The following UBA5 variants were observed in gnomAD, a reference collection of about 807,000 sequenced individuals.
UBA5 encodes ubiquitin like modifier activating enzyme 5, also known as ubiquitin-like modifier-activating enzyme 5.
UBA5 carries 28 observed loss-of-function variants against 52.9 expected under a neutral mutation model. The observed-to-expected ratio is 0.53, with a 90% CI of 0.39 to 0.73. The LOEUF is 0.73. Among genes scored for constraint, UBA5 ranks in the 30% least tolerant of loss-of-function variants. UBA5 has a pLI of 0.00. For synonymous variants in UBA5, 135 were observed against 162.1 expected (o/e 0.83, Z 1.27); for missense variants, 388 against 492.7 (o/e 0.79, Z 2.01).
chr3:132,659,444 G>A (rs576310098), upstream of UBA5: 6 of 1,004,794 alleles, frequency 6.0e-6, no homozygotes, highest in South Asian at 3.4e-5. Flanking sequence ...CATCGAATTC[G>A]GAGGGCCGGC....
intron 3 of UBA5, among the ~76,000 whole-genome samples, chr3:132,666,515 A>C (rs1938385360): frequency 6.6e-6 from 1 of 152,126 alleles, no homozygotes; most frequent in Non-Finnish European, 1.5e-5. Flanking sequence ...CTTTTTTCTA[A>C]AATTCATTTA....
rs1229159358 is a variant in UBA5 at position 132,664,980 on chromosome 3, A to G, written c.162-843A>G. ...CAGGAGAAACATACTTATTAACTTC[A>G]GGGTTGGGAGTTAGAGGAAAGGGTA... On this transcript the variant is annotated intron_variant, in intron 1 of 11. Transcript: ENST00000356232. 2.0e-5 allele frequency among the ~76,000 whole-genome samples: 3 copies of G among 152,104 alleles called. No homozygotes were observed. In the East Asian group the frequency reaches 5.8e-4, roughly 29 times the overall value.
intron 8 of UBA5, among the ~76,000 whole-genome samples, chr3:132,674,816 G>A (rs773016010): frequency 6.6e-6 from 1 of 152,190 alleles, no homozygotes; most frequent in Non-Finnish European, 1.5e-5. Context: ...ATTTAAGATT[G>A]TGCATTTTAT....
At chr3:132,667,473 T>G (rs1036857916) in intron 3 of UBA5, 4 of 151,486 alleles carry the variant, frequency 2.6e-5, no homozygotes, top group African/African-American at 9.7e-5. Context: ...GTGATTCCAG[T>G]GTGCCCTCAA....
rs1244680867 is a variant in UBA5 at position 132,678,736 on chromosome 3, G to A, written c.*2210G>A. On this transcript the variant is annotated 3_prime_UTR_variant, in exon 12 of 12. Coordinates refer to ENST00000356232, the MANE Select transcript of UBA5 (RefSeq NM_024818.6). Reference sequence around the variant, plus strand: ...ACGATCTCAGCTCACCACATCCTCCGCCTCCCAGGTTCAAGCGATTCTCCT... The same window carrying A: ...ACGATCTCAGCTCACCACATCCTCCACCTCCCAGGTTCAAGCGATTCTCCT... Among the ~76,000 whole-genome samples, 4 of 151,878 alleles carry A rather than the reference G, an allele frequency of 2.6e-5. No individual in the cohort carries two copies. The South Asian group carries it at 8.3e-4, about 32-fold the overall frequency.
chr3:132,662,995 T>A (rs1391495674), intron 1 of UBA5, among the ~76,000 whole-genome samples: 1 of 152,198 alleles, frequency 6.6e-6, no homozygotes, highest in Non-Finnish European at 1.5e-5. Context: ...TAAAGGAATT[T>A]TTTAAAAGAA....
Position 132,661,379 on chromosome 3 carries a change from T to C in UBA5, c.161+681T>C, listed in dbSNP as rs532082765. Among the ~76,000 whole-genome samples, 20 of 152,334 alleles carry C rather than the reference T, an allele frequency of 1.3e-4. 1 individual carries two copies. In the South Asian group the frequency reaches 1.9e-3, roughly 14 times the overall value. ...CTTCTCACCTGTACAATGAAGATAA[T>C]AGTAATATCTATCTCTGTCATAGTT... On this transcript the variant is annotated intron_variant, in intron 1 of 11. Coordinates refer to ENST00000356232, the MANE Select transcript of UBA5 (RefSeq NM_024818.6).
upstream of UBA5, among the ~76,000 whole-genome samples, chr3:132,655,804 G>C (rs1436866902): frequency 2.0e-5 from 3 of 152,134 alleles, no homozygotes; most frequent in Non-Finnish European, 4.4e-5. Flanking sequence ...ATACATATTA[G>C]GCACTCAGCT....
Position 132,660,714 on chromosome 3 carries a change from G to A in UBA5, c.161+16G>A. 1 of 1,526,138 alleles carries A rather than the reference G, an allele frequency of 6.6e-7. No individual in the cohort carries two copies. The highest frequency in any genetic ancestry group is 2.4e-5 in the East Asian group (1 of 41,160). 94.5% of individuals were successfully genotyped at this position (1,526,138 alleles called of 1,614,324 possible). On this transcript the variant is annotated intron_variant, in intron 1 of 11. Transcript: ENST00000356232. The surrounding 1 kb of genome is among the most constrained non-coding windows in gnomAD (Gnocchi z 4.1). ...ATCCCTACAGGTAACCTGCGTCGCC[G>A]GTCGGAGGCAGGCGCGGGGGACGAG...
chr3:132,660,987 C>A lies in UBA5; in HGVS notation c.161+289C>A. On this transcript the variant is annotated intron_variant, in intron 1 of 11. Transcript: ENST00000356232. This position sits in a 1 kb window ranked among gnomAD's most constrained non-coding sequence, Gnocchi z 4.1. ...CTTGCCTCTTAATTAGTCCGCCTCGCTGTGTATAAGACTGATAGTAAGAAC... is the reference window on the plus strand; with the variant it reads ...CTTGCCTCTTAATTAGTCCGCCTCGATGTGTATAAGACTGATAGTAAGAAC... 6.8e-7 allele frequency: 1 copy of A among 1,461,756 alleles called. No homozygotes were observed. Among genetic ancestry groups the A allele is most frequent in the South Asian group, 1.2e-5 (1 of 82,056 alleles). 90.5% of individuals were successfully genotyped at this position (1,461,756 alleles called of 1,614,324 possible).
At position 132,676,023 on chromosome 3, in the gene UBA5, AT is replaced by A; in HGVS notation, c.1131+101del. 2.4e-6 allele frequency: 2 copies of A among 820,444 alleles called. No homozygotes were observed. The highest frequency in any genetic ancestry group is 3.8e-6 in the Non-Finnish European group (2 of 525,124). The allele number at this position is 820,444 out of a possible 1,614,324, so 50.8% of individuals were successfully genotyped here. A position where few individuals can be genotyped will look rare whatever the true frequency, so the allele number is the denominator to read the frequency against. Reference sequence around the variant, plus strand: ...GCCAATGAAGTATTTCCTGTTTTAGATATTTTATGCTATAGGCATTAAGATG... The same window carrying A: ...GCCAATGAAGTATTTCCTGTTTTAGAATTTTATGCTATAGGCATTAAGATG... On this transcript the variant is annotated intron_variant, in intron 11 of 11. Transcript: ENST00000356232. This position sits in a 1 kb window ranked among gnomAD's most constrained non-coding sequence, Gnocchi z 4.1.
intron 4 of UBA5, 62 bp downstream of exon 4, chr3:132,668,989 AG>A: frequency 9.1e-7 from 1 of 1,098,080 alleles, no homozygotes; most frequent in East Asian, 2.5e-5. Context: ...ATTTGATATG[AG>A]TTAATATAAA....
At chr3:132,666,477 T>C (rs1341689805) in intron 3 of UBA5, among the ~76,000 whole-genome samples, 1 of 152,136 alleles carries the variant, frequency 6.6e-6, no homozygotes, top group Non-Finnish European at 1.5e-5. Flanking sequence ...ATGCTCTGGA[T>C]GGATTTTTAA....
rs35143670 is a variant in UBA5, at chr3:132,676,409, C to CT, written c.1132-28dup. On this transcript the variant is annotated intron_variant, in intron 11 of 11. Transcript: ENST00000356232. This position sits in a 1 kb window ranked among gnomAD's most constrained non-coding sequence, Gnocchi z 4.1. ...TAAGCATCAAGAATTCTATATGGTT[C>CT]TTTTTTCACTGTATTTCCCTTATTT... 31 of 1,539,862 alleles carry CT rather than the reference C, an allele frequency of 2.0e-5. No homozygotes were observed. Among genetic ancestry groups the CT allele is most frequent in the Non-Finnish European group, 2.4e-5 (27 of 1,120,664 alleles).
chr3:132,674,491 C>T (rs1489290580), intron 8 of UBA5, among the ~76,000 whole-genome samples: 4 of 152,008 alleles, frequency 2.6e-5, no homozygotes, highest in Non-Finnish European at 4.4e-5. Context: ...AATTTGAGAC[C>T]AGCTTGGGCA....
At chr3:132,672,828 A>G (rs1938663850) in intron 8 of UBA5, among the ~76,000 whole-genome samples, 1 of 152,230 alleles carries the variant, frequency 6.6e-6, no homozygotes, top group Non-Finnish European at 1.5e-5. Context: ...AAAAAGAAGG[A>G]AAAAGATTTC....
chr3:132,658,483 T>C (rs545589781), upstream of UBA5, among the ~76,000 whole-genome samples: 1 of 152,336 alleles, frequency 6.6e-6, no homozygotes, highest in East Asian at 1.9e-4. Context: ...AACGTTACTA[T>C]CTCCTTTTTG....
chr3:132,676,119 G>A lies in UBA5; in HGVS notation c.1131+196G>A, dbSNP rs929911714. Among the ~76,000 whole-genome samples the A allele has an allele frequency of 6.6e-6, 1 of 151,986 alleles. No individual in the cohort carries two copies. The highest frequency in any genetic ancestry group is 2.4e-5 in the African/African-American group (1 of 41,400). On this transcript the variant is annotated intron_variant, in intron 11 of 11. Transcript: ENST00000356232. This position sits in a 1 kb window ranked among gnomAD's most constrained non-coding sequence, Gnocchi z 4.1. ...AAACTTTTAAAACATAGAATAAAAT[G>A]GTTTTGTTCACTCATTAATGAACCA...
Position 132,670,251 on chromosome 3 carries a change from TG to T in UBA5, c.463del (p.Glu155LysfsTer10). On this transcript the variant is annotated frameshift_variant, in exon 5 of 12. Coordinates refer to ENST00000356232, the MANE Select transcript of UBA5 (RefSeq NM_024818.6). LOFTEE classifies it high-confidence loss of function. ...FEVHNYNITTVENFQHFMDRI... is the reference protein window; with the variant it reads ...FEVHNYNITTXENFQHFMDRI... The stretch of plus-strand genomic sequence containing the variant: ...GTACACAACTATAATATAACCACAG[TG>T]GAAAACTTTCAACATTTCATGGATA... 1 of 1,500,722 alleles carries T rather than the reference TG, an allele frequency of 6.7e-7. No homozygotes were observed. Among genetic ancestry groups the T allele is most frequent in the Non-Finnish European group, 9.2e-7 (1 of 1,087,240 alleles). 93.0% of individuals were successfully genotyped at this position (1,500,722 alleles called of 1,614,324 possible).
Sources: allele counts gnomAD v4.1 joint callset (sites outside exome capture counted in the v4.1 genomes callset), GRCh38; gene constraint gnomAD v4.1.1; non-coding constraint Gnocchi (gnomAD v3.1); transcripts MANE v1.5; gene names NCBI Gene and HGNC (gene_info 2026-07-23, HGNC 2026-07-21).